JPH3: variants seen among roughly 807,000 people sequenced by gnomAD.
JPH3 encodes the protein junctophilin-3.
A neutral mutation model predicts 59.6 loss-of-function variants in JPH3; 11 were observed. The observed-to-expected ratio is 0.18, with a 90% confidence interval of 0.12 to 0.31. The LOEUF (loss-of-function observed/expected upper bound fraction) is 0.31, where lower values mean the gene tolerates loss of function less well. Among genes scored for constraint, JPH3 ranks in the 10% least tolerant of loss-of-function variants. JPH3 has a pLI of 1.00. For synonymous variants in JPH3, 673 were observed against 483.6 expected, an observed-to-expected ratio of 1.39 and a Z score of -5.14; for missense variants, 1,202 against 1,105.7, an observed-to-expected ratio of 1.09 and a Z score of -1.24.
intron 1 of JPH3, among the ~76,000 whole-genome samples, chr16:87,615,709 C>G (rs2030930363): frequency 6.6e-6 from 1 of 152,194 alleles, no homozygotes; most frequent in Non-Finnish European, 1.5e-5. Flanking sequence ...CCCAGGAATG[C>G]CGGGGAGGGT....
chr16:87,644,355 G>A lies in JPH3; in HGVS notation c.480G>A (p.Leu160=), dbSNP rs1239196174. 1.2e-6 allele frequency: 2 copies of A among 1,612,868 alleles called. No homozygotes were observed. Among genetic ancestry groups the A allele is most frequent in the Non-Finnish European group, 1.7e-6 (2 of 1,179,942 alleles). ...TGGCCGCGGTCATCCGCTCACCCCTGAGGACGTCCATCAACTCCCTGCGCA... is the reference window on the plus strand; with the variant it reads ...TGGCCGCGGTCATCCGCTCACCCCTAAGGACGTCCATCAACTCCCTGCGCA... ...YGMAAVIRSP[L]RTSINSLRSE... Residue 160 remains leucine, a synonymous_variant, in exon 2 of 5, where the codon CTG becomes CTA. Coordinates refer to ENST00000284262, the MANE Select transcript of JPH3 (RefSeq NM_020655.4).
At chr16:87,689,341 G>A (rs73241905) in intron 3 of JPH3, among the ~76,000 whole-genome samples, 6,720 of 152,256 alleles carry the variant, frequency 0.044, 339 homozygotes, top group East Asian at 0.19. Context: ...ACACCCCAGC[G>A]TCCTCACGCA....
intron 2 of JPH3, among the ~76,000 whole-genome samples, chr16:87,674,747 C>G (rs948276464): frequency 6.6e-6 from 1 of 152,046 alleles, no homozygotes; most frequent in Non-Finnish European, 1.5e-5. Context: ...TTGTGTTTTA[C>G]TTTTGTATAT....
intron 2 of JPH3, among the ~76,000 whole-genome samples, chr16:87,655,589 A>G (rs1339815946): frequency 6.6e-6 from 1 of 152,164 alleles, no homozygotes; most frequent in Non-Finnish European, 1.5e-5. Context: ...CCTGGCCTCA[A>G]AAATTCTCCT....
intron 2 of JPH3, among the ~76,000 whole-genome samples, chr16:87,649,264 C>T (rs909581827): frequency 6.6e-6 from 1 of 152,204 alleles, no homozygotes; most frequent in African/African-American, 2.4e-5. Context: ...GAGATGGCCC[C>T]ATCCTGCCGT....
chr16:87,642,983 C>A (rs190599543), intron 1 of JPH3, among the ~76,000 whole-genome samples: 1 of 152,324 alleles, frequency 6.6e-6, no homozygotes, highest in East Asian at 1.9e-4. Context: ...TAGCTGTCAT[C>A]ACTGTTTACC....
intron 2 of JPH3, among the ~76,000 whole-genome samples, chr16:87,649,957 C>T (rs565125418): frequency 4.6e-5 from 7 of 152,358 alleles, no homozygotes; most frequent in Middle Eastern, 6.8e-3. Flanking sequence ...CTCGTGCAAA[C>T]GTTGCTGTGA....
intron 2 of JPH3, among the ~76,000 whole-genome samples, chr16:87,657,765 G>C (rs1343458229): frequency 1.4e-5 from 2 of 144,366 alleles, no homozygotes; most frequent in Non-Finnish European, 2.9e-5. Flanking sequence ...GATGCAACCT[G>C]GGAGTTGCCC....
intron 3 of JPH3, 194 bp downstream of exon 3, chr16:87,684,460 C>A: frequency 1.3e-6 from 1 of 790,844 alleles, no homozygotes; most frequent in Admixed American, 2.8e-5. Context: ...CTCCCCGGGA[C>A]ACAGGACATG....
At chr16:87,619,731 C>G (rs993779164) in intron 1 of JPH3, among the ~76,000 whole-genome samples, 1 of 152,198 alleles carries the variant, frequency 6.6e-6, no homozygotes, top group Non-Finnish European at 1.5e-5. Context: ...CGACTGTGTG[C>G]TAGGCAACAA....
chr16:87,673,030 C>T (rs745739722), intron 2 of JPH3, among the ~76,000 whole-genome samples: 11 of 152,006 alleles, frequency 7.2e-5, no homozygotes, highest in Non-Finnish European at 1.6e-4. Context: ...CACGTAATCC[C>T]GGCTACTTGG....
intron 1 of JPH3, among the ~76,000 whole-genome samples, chr16:87,622,136 G>A (rs1233150071): frequency 6.6e-6 from 1 of 152,130 alleles, no homozygotes; most frequent in Non-Finnish European, 1.5e-5. Flanking sequence ...GGATGCCTCA[G>A]AGCCAGCCGC....
intron 2 of JPH3, among the ~76,000 whole-genome samples, chr16:87,646,617 A>C (rs2032161039): frequency 6.6e-6 from 1 of 152,206 alleles, no homozygotes; most frequent in South Asian, 2.1e-4. Flanking sequence ...TCTCCTTGGC[A>C]TTTTGGTGAA....
At chr16:87,665,667 G>A (rs2032838196) in intron 2 of JPH3, among the ~76,000 whole-genome samples, 2 of 152,232 alleles carry the variant, frequency 1.3e-5, no homozygotes. Context: ...GGTGGGAGCA[G>A]GCCTAGGAGA....
chr16:87,631,954 C>A (rs1002909223), intron 1 of JPH3, among the ~76,000 whole-genome samples: 1 of 152,150 alleles, frequency 6.6e-6, no homozygotes, highest in Non-Finnish European at 1.5e-5. Flanking sequence ...TCGATGTCTT[C>A]TCCCACCTGC....
chr16:87,624,097 C>T (rs540646918), intron 1 of JPH3, among the ~76,000 whole-genome samples: 7 of 152,188 alleles, frequency 4.6e-5, no homozygotes, highest in Non-Finnish European at 1.0e-4. Flanking sequence ...TGGAGGGTCC[C>T]CCTCATTCCC....
intron 1 of JPH3, among the ~76,000 whole-genome samples, chr16:87,642,784 C>G (rs192534965): frequency 2.6e-5 from 4 of 152,344 alleles, no homozygotes; most frequent in African/African-American, 7.2e-5. Flanking sequence ...ACTCTACAGA[C>G]GAGGACACTG....
At chr16:87,637,997 G>A (rs551507540) in intron 1 of JPH3, among the ~76,000 whole-genome samples, 12 of 152,228 alleles carry the variant, frequency 7.9e-5, no homozygotes, top group African/African-American at 2.9e-4. Flanking sequence ...GCTCACTGCA[G>A]CAGCCTCTGC....
chr16:87,655,438 C>A (rs1403643987), intron 2 of JPH3, among the ~76,000 whole-genome samples: 1 of 152,174 alleles, frequency 6.6e-6, no homozygotes, highest in Admixed American at 6.5e-5. Flanking sequence ...ACTGCAGCCT[C>A]GATCTCCTGA....
Sources: gnomAD v4.1 joint callset for allele counts (sites outside exome capture counted in the v4.1 genomes callset) on GRCh38, gnomAD v4.1.1 for gene constraint, MANE v1.5 for transcripts, NCBI Gene and HGNC (gene_info 2026-07-23, HGNC 2026-07-21) for gene names.